LAMA5: variants seen among roughly 807,000 people sequenced by gnomAD.
LAMA5 encodes laminin subunit alpha-5.
Under a neutral mutation model 433.4 loss-of-function variants are expected in LAMA5, and 260 were observed. The observed-to-expected ratio is 0.60, with a 90% CI of 0.54 to 0.66. LAMA5 has a LOEUF of 0.66. Among genes scored for constraint, LAMA5 ranks in the 30% least tolerant of loss-of-function variants. The pLI is 0.00. For synonymous variants in LAMA5, 2,620 were observed against 2,226.6 expected (o/e 1.18, Z -4.97); for missense variants, 5,378 against 5,258.5 (o/e 1.02, Z -0.70).
chr20:62,363,560 G>C (rs1464076353), intron 1 of LAMA5, among the ~76,000 whole-genome samples: 1 of 152,070 alleles, frequency 6.6e-6, no homozygotes, highest in Non-Finnish European at 1.5e-5. Context: ...ATGAGGAGAG[G>C]GGGCAGAGCT....
chr20:62,362,052 G>A (rs1194240435), intron 2 of LAMA5, among the ~76,000 whole-genome samples: 2 of 152,158 alleles, frequency 1.3e-5, no homozygotes, highest in Non-Finnish European at 2.9e-5. Flanking sequence ...TAAACAGCAG[G>A]GCGCCTGACG....
At chr20:62,319,170 G>A in intron 51 of LAMA5, 157 bp from the exon 52 acceptor site, 1 of 692,660 alleles carries the variant, frequency 1.4e-6, no homozygotes, top group Non-Finnish European at 2.4e-6. Context: ...CCTGGCGAAA[G>A]GCCACAGCTG....
chr20:62,361,893 A>G (rs1601435485), intron 2 of LAMA5, among the ~76,000 whole-genome samples: 2 of 152,194 alleles, frequency 1.3e-5, no homozygotes, highest in East Asian at 3.9e-4. Context: ...AAGGCCAAGG[A>G]GAGCCCAGAG....
intron 17 of LAMA5, 143 bp downstream of exon 17, chr20:62,336,591 G>T: frequency 1.7e-6 from 2 of 1,175,500 alleles, no homozygotes; most frequent in Non-Finnish European, 2.5e-6. Flanking sequence ...GGGGGCAGAG[G>T]ACCAGCCTAA....
At position 62,335,042 on chromosome 20, in the gene LAMA5, C is replaced by T. The variant is rs528694707; in HGVS notation, c.2461G>A (p.Ala821Thr). 6.2e-6 allele frequency: 10 copies of T among 1,612,924 alleles called. No individual in the cohort carries two copies. In the East Asian group the frequency reaches 1.8e-4, roughly 29 times the overall value. ...CKDGFFGLDQ[A>T]DYFGCRSCRC... ...TCACTGCGGCAGCCAAAATAGTCAG[C>T]CTGATCCAGTCCAAAGAAGCCATCC... The change falls in exon 20 of 80, where the codon GCT becomes ACT. Residue 821 changes from alanine to threonine, a missense_variant. Physicochemically the swap from Ala to Thr is moderately conservative, Grantham distance 58 (BLOSUM62 0). Transcript: ENST00000252999.
chr20:62,311,186 C>T lies in LAMA5; in HGVS notation c.10064G>A (p.Gly3355Asp). 1 of 1,605,358 alleles carries T rather than the reference C, an allele frequency of 6.2e-7. No homozygotes were observed. Among genetic ancestry groups the T allele is most frequent in the Middle Eastern group, 1.7e-4 (1 of 5,998 alleles). The change falls in exon 73 of 80, where the codon GGC becomes GAC. Residue 3355 changes from glycine to aspartate, a missense_variant. Coordinates refer to ENST00000252999, the MANE Select transcript of LAMA5 (RefSeq NM_005560.6). ...GSLSSHLEFVGILARHRNWPS... is the reference protein window; with the variant it reads ...GSLSSHLEFVDILARHRNWPS... The stretch of plus-strand genomic sequence containing the variant: ...CCAGTTCCTATGTCGGGCCAGGATG[C>T]CCACAAACTCCAGGTGACTGGACAG...
In LAMA5 at chr20:62,327,332, C is replaced by T. The variant is rs201803861; in HGVS notation, c.5013G>A (p.Thr1671=). Residue 1671 remains threonine, a synonymous_variant, in exon 38 of 80, where the codon ACG becomes ACA. Coordinates refer to ENST00000252999, the MANE Select transcript of LAMA5 (RefSeq NM_005560.6). ...GCCGCAGGTCTGCACGGAGCATCTC[C>T]GTCCCTGGCTGCCGCTCGTGGGGCA... ...QVVPHERQPG[T]EMLRADLRHV... 20 of 1,602,378 alleles carry T rather than the reference C, an allele frequency of 1.2e-5. No individual in the cohort carries two copies. The African/African-American group carries it at 1.3e-4, about 11-fold the overall frequency.
chr20:62,328,184 G>A, intron 35 of LAMA5, 57 bp downstream of exon 35: 1 of 1,531,182 alleles, frequency 6.5e-7, no homozygotes, highest in Non-Finnish European at 8.8e-7. Context: ...TCTGGCTAGA[G>A]GAAATGCTGT....
chr20:62,333,832 T>A (rs1294862370), intron 23 of LAMA5, 69 bp downstream of exon 23: 1 of 1,292,876 alleles, frequency 7.7e-7, no homozygotes, highest in African/African-American at 4.0e-5. Context: ...TGGCGGGGCT[T>A]GGGAGTGGGG....
intron 16 of LAMA5, 85 bp from the exon 17 acceptor site, chr20:62,336,871 G>C (rs375442995): frequency 4.8e-5 from 66 of 1,366,536 alleles, no homozygotes; most frequent in African/African-American, 3.5e-4. Flanking sequence ...CAGAACCCAC[G>C]GTCCCACAGG....
Position 62,312,764 on chromosome 20 carries a change from A to AGCAGGAACACCTGGATCT in LAMA5, c.9079-2_9094dup (p.Leu3031_Leu3032insGlnIleGlnValPheLeu). ...CAGCACACGCTTGCGGCTGCCCCCCAGCAGGAACACCTGGATCTACAGGAC... is the reference window on the plus strand; with the variant it reads ...CAGCACACGCTTGCGGCTGCCCCCCAGCAGGAACACCTGGATCTGCAGGAACACCTGGATCTACAGGAC... On this transcript the variant is annotated inframe_insertion, in exon 67 of 80. Coordinates refer to ENST00000252999, the MANE Select transcript of LAMA5 (RefSeq NM_005560.6). The AGCAGGAACACCTGGATCT allele has an allele frequency of 6.3e-7, 1 of 1,590,164 alleles. No homozygotes were observed. The highest frequency in any genetic ancestry group is 1.1e-5 in the South Asian group (1 of 88,580).
In LAMA5 at chr20:62,345,968, G is replaced by C. The variant is rs567086396; in HGVS notation, c.1418-91C>G. On this transcript the variant is annotated intron_variant, in intron 10 of 79. Coordinates refer to ENST00000252999, the MANE Select transcript of LAMA5 (RefSeq NM_005560.6). Reference sequence around the variant, plus strand: ...CACCCTTGGTCTCTCAGCACAATCGGAGATGCAGGCAGGATAACATGGTCC... The same window carrying C: ...CACCCTTGGTCTCTCAGCACAATCGCAGATGCAGGCAGGATAACATGGTCC... 6.9e-5 allele frequency: 109 copies of C among 1,576,030 alleles called. No individual in the cohort carries two copies. In the African/African-American group the frequency reaches 1.2e-3, roughly 18 times the overall value.
At position 62,328,935 on chromosome 20, in the gene LAMA5, G is replaced by C. The variant is rs750004013; in HGVS notation, c.4356C>G (p.Pro1452=). The change falls in exon 34 of 80, where the codon CCC becomes CCG. Residue 1452 remains proline, a synonymous_variant. Transcript: ENST00000252999. ...EVGATGPTCE[P]FGGQCPCHAH... is the part of the protein sequence containing the mutation. ...CATGGCAGGGACACTGGCCCCCGAA[G>C]GGCTCACACGTGGGGCCTGTAGCAC... is the stretch of plus-strand genomic sequence containing the variant. 2.5e-6 allele frequency: 4 copies of C among 1,611,364 alleles called. No homozygotes were observed. In the South Asian group the frequency reaches 3.3e-5, roughly 13 times the overall value.
rs77793460 is a variant in LAMA5, at chr20:62,316,585, C to T, written c.7756+86G>A. 3,259 of 1,038,984 alleles carry T rather than the reference C, an allele frequency of 3.1e-3. 83 individuals are homozygous for T. The African/African-American group carries it at 0.045, about 14-fold the overall frequency. The allele number at this position is 1,038,984 out of a possible 1,614,324, so 64.4% of individuals were successfully genotyped here. A position where few individuals can be genotyped will look rare whatever the true frequency, so the allele number is the denominator to read the frequency against. Reference sequence around the variant, plus strand: ...ATGCTGCGGTGACCCACAAACCCCACGTGTGCATGTGGCTGGGGGCTGAGG... The same window carrying T: ...ATGCTGCGGTGACCCACAAACCCCATGTGTGCATGTGGCTGGGGGCTGAGG... On this transcript the variant is annotated intron_variant, in intron 57 of 79. Coordinates refer to ENST00000252999, the MANE Select transcript of LAMA5 (RefSeq NM_005560.6).
intron 35 of LAMA5, 28 bp from the exon 36 acceptor site, chr20:62,328,038 CT>C (rs1979629586): frequency 6.2e-7 from 1 of 1,609,788 alleles, no homozygotes; most frequent in Admixed American, 1.7e-5. Flanking sequence ...GCTGAGCCCC[CT>C]CCACCCCAGG....
rs953722553 is a variant in LAMA5 at position 62,313,075 on chromosome 20, G to A, written c.8955+13C>T. On this transcript the variant is annotated intron_variant, in intron 65 of 79. Coordinates refer to ENST00000252999, the MANE Select transcript of LAMA5 (RefSeq NM_005560.6). ...TGCAAGTGGGGATGGCAGGACGGGTGTGCCTGGCGCACCTGCTGCTTCAGG... is the reference window on the plus strand; with the variant it reads ...TGCAAGTGGGGATGGCAGGACGGGTATGCCTGGCGCACCTGCTGCTTCAGG... 6 of 1,607,916 alleles carry A rather than the reference G, an allele frequency of 3.7e-6. No individual in the cohort carries two copies. Among genetic ancestry groups the A allele is most frequent in the Non-Finnish European group, 5.1e-6 (6 of 1,178,576 alleles).
chr20:62,310,138 G>A (rs1986063868), intron 77 of LAMA5, 40 bp downstream of exon 77: 1 of 1,611,652 alleles, frequency 6.2e-7, no homozygotes, highest in Non-Finnish European at 8.5e-7. Context: ...AGAATGGGGA[G>A]GCAAACCCTG....
rs978654046 is a variant in LAMA5, at chr20:62,328,141, G to A, written c.4652+100C>T. The A allele has an allele frequency of 8.6e-6, 13 of 1,506,426 alleles. No homozygotes were observed. In the Admixed American group the frequency reaches 2.6e-4, roughly 30 times the overall value. 93.3% of individuals were successfully genotyped at this position (1,506,426 alleles called of 1,614,324 possible). On this transcript the variant is annotated intron_variant, in intron 35 of 79. Transcript: ENST00000252999. The stretch of plus-strand genomic sequence containing the variant: ...GAGAGGGCGCTGCTGCACCCAGGGA[G>A]CACAAATGGGAGCAGGGTGGGTGCC...
In LAMA5 at chr20:62,316,349, C is replaced by T. The variant is rs1298725777; in HGVS notation, c.7757-291G>A. 7.3e-6 allele frequency: 4 copies of T among 549,196 alleles called. No homozygotes were observed. The African/African-American group carries it at 7.5e-5, about 10-fold the overall frequency. 34.0% of individuals were successfully genotyped at this position (549,196 alleles called of 1,614,324 possible). On this transcript the variant is annotated intron_variant, in intron 57 of 79. Coordinates refer to ENST00000252999, the MANE Select transcript of LAMA5 (RefSeq NM_005560.6). The stretch of plus-strand genomic sequence containing the variant: ...TCTGGTCCTAGCAGCTCACACCTTT[C>T]TCATTGCGCAGCTTGGCACGCGTGT...
Sources: gnomAD v4.1 joint callset for allele counts (sites outside exome capture counted in the v4.1 genomes callset) on GRCh38, gnomAD v4.1.1 for gene constraint, MANE v1.5 for transcripts, NCBI Gene and HGNC (gene_info 2026-07-23, HGNC 2026-07-21) for gene names.